The following TUBGCP2 variants were observed in gnomAD, a reference collection of about 807,000 sequenced individuals.
TUBGCP2 encodes tubulin gamma complex component 2, also known as gamma-tubulin complex component 2.
Under a neutral mutation model 92.2 loss-of-function variants are expected in TUBGCP2, and 55 were observed. That is an observed-to-expected ratio of 0.60 (90% CI 0.48 to 0.75). The LOEUF (loss-of-function observed/expected upper bound fraction) is 0.75. Among genes scored for constraint, TUBGCP2 ranks in the 30% least tolerant of loss-of-function variants. The pLI, the probability that TUBGCP2 is intolerant of heterozygous loss-of-function variation, is 0.00. For synonymous variants in TUBGCP2, 533 were observed against 505.2 expected, an observed-to-expected ratio of 1.06 and a Z score of -0.74; for missense variants, 1,093 against 1,188.9, an observed-to-expected ratio of 0.92 and a Z score of 1.19.
chr10:133,309,930 G>T, upstream of TUBGCP2: 1 of 1,613,552 alleles, frequency 6.2e-7, no homozygotes, highest in Non-Finnish European at 8.5e-7. Context: ...CCACATCCTG[G>T]AGTGGCACGA....
At chr10:133,280,085 C>A (rs1343421416) in intron 17 of TUBGCP2, among the ~76,000 whole-genome samples, 184 bp from the exon 18 acceptor site, 1 of 152,304 alleles carries the variant, frequency 6.6e-6, no homozygotes, top group Non-Finnish European at 1.5e-5. Flanking sequence ...CCGTCCTGAG[C>A]AGCCCTGCTC....
chr10:133,290,944 C>T lies in TUBGCP2; in HGVS notation c.1215-975G>A, dbSNP rs183965942. The stretch of plus-strand genomic sequence containing the variant: ...AAATATTTCAACAACGGTATCTTGA[C>T]GTAATAGACATAATACAATTCTTTG... On this transcript the variant is annotated intron_variant, in intron 8 of 17. Coordinates refer to ENST00000252936, the MANE Select transcript of TUBGCP2 (RefSeq NM_006659.4). 84 of 155,854 alleles carry T rather than the reference C, an allele frequency of 5.4e-4. 1 individual carries two copies. The highest frequency in any genetic ancestry group is 3.4e-3 in the Middle Eastern group (1 of 298). The allele number at this position is 155,854 out of a possible 1,614,324, so 9.7% of individuals were successfully genotyped here.
intron 8 of TUBGCP2, chr10:133,290,491 CA>C (rs1251034669): frequency 4.0e-4 from 41 of 102,186 alleles, no homozygotes; most frequent in Admixed American, 4.8e-4. Context: ...GACTCTGCCT[CA>C]AAAAAAAAAA....
intron 11 of TUBGCP2, among the ~76,000 whole-genome samples, chr10:133,287,676 G>A (rs1242912632): frequency 6.6e-6 from 1 of 151,882 alleles, no homozygotes; most frequent in Admixed American, 6.6e-5. Context: ...AGGAGGTGGA[G>A]GCTGCAGTGA....
chr10:133,279,517 C>A lies in TUBGCP2; in HGVS notation c.*249G>T. On this transcript the variant is annotated 3_prime_UTR_variant, in exon 18 of 18. Coordinates refer to ENST00000252936, the MANE Select transcript of TUBGCP2 (RefSeq NM_006659.4). ...ATTTCCACTTTGAGGCCAAAAACACCCAAAAAGGTGATAGTGTAATTTCAA... is the reference window on the plus strand; with the variant it reads ...ATTTCCACTTTGAGGCCAAAAACACACAAAAAGGTGATAGTGTAATTTCAA... The A allele has an allele frequency of 1.8e-6, 1 of 548,702 alleles. No individual in the cohort carries two copies. Among genetic ancestry groups the A allele is most frequent in the Non-Finnish European group, 3.0e-6 (1 of 329,162 alleles). The allele number at this position is 548,702 out of a possible 1,614,324, so 34.0% of individuals were successfully genotyped here.
At chr10:133,307,840 A>C (rs914241407) in intron 1 of TUBGCP2, among the ~76,000 whole-genome samples, 1 of 152,210 alleles carries the variant, frequency 6.6e-6, no homozygotes, top group Admixed American at 6.5e-5. Context: ...CCTACAATGC[A>C]CCTAAACCAC....
Position 133,289,947 on chromosome 10 carries a change from C to G in TUBGCP2, c.1237G>C (p.Glu413Gln). ...TCCTGGATCCTCTCCTTCCGCAGCT[C>G]GTGCTCCTCGACCATAAACTCACTA... The part of the protein sequence containing the change: ...PYSEFMVEEH[E>Q]LRKERIQEDY... Residue 413 changes from glutamate to glutamine, a missense_variant, in exon 9 of 18, where the codon GAG (glutamate) becomes CAG (glutamine). Glu to Gln is a conservative substitution (Grantham distance 29, BLOSUM62 2). Transcript: ENST00000252936. The G allele has an allele frequency of 6.2e-7, 1 of 1,614,166 alleles. No individual in the cohort carries two copies. Among genetic ancestry groups the G allele is most frequent in the Middle Eastern group, 1.7e-4 (1 of 6,046 alleles).
At position 133,292,680 on chromosome 10, in the gene TUBGCP2, C is replaced by G; in HGVS notation, c.1033G>C (p.Val345Leu). Residue 345 changes from valine (V) to leucine (L), a missense_variant, in exon 8 of 18, where the codon GTG becomes CTG. Transcript: ENST00000252936. ...CCCCCAAGACATTCGCCTTTGTCCACCGAGGTGGCTGTGGGGAGAAAGGAG... is the reference window on the plus strand; with the variant it reads ...CCCCCAAGACATTCGCCTTTGTCCAGCGAGGTGGCTGTGGGGAGAAAGGAG... ...MDILASLATS[V>L]DKGECLGGST... 1 of 1,613,038 alleles carries G rather than the reference C, an allele frequency of 6.2e-7. No individual in the cohort carries two copies. Among genetic ancestry groups the G allele is most frequent in the Non-Finnish European group, 8.5e-7 (1 of 1,179,484 alleles).
At chr10:133,309,961 C>G, upstream of TUBGCP2, 1 of 1,613,172 alleles carries the variant, frequency 6.2e-7, no homozygotes, top group Non-Finnish European at 8.5e-7. Context: ...CAGATCCTGT[C>G]TGAGAGGCAG....
chr10:133,311,752 G>A, upstream of TUBGCP2: 2 of 1,613,738 alleles, frequency 1.2e-6, no homozygotes, highest in Middle Eastern at 1.7e-4. Flanking sequence ...ACAGTGGAGA[G>A]CGGTCAGAAG....
Position 133,281,262 on chromosome 10 carries a change from C to T in TUBGCP2, c.2573+11G>A, listed in dbSNP as rs1226554962. On this transcript the variant is annotated intron_variant, in intron 17 of 17. Coordinates refer to ENST00000252936, the MANE Select transcript of TUBGCP2 (RefSeq NM_006659.4). ...CTGAGGAAGGGCTGAGCCGGGGTGG[C>T]GCCCACCCACCTGGAGATGACGCTG... The T allele has an allele frequency of 8.7e-6, 14 of 1,607,840 alleles. No homozygotes were observed. Among genetic ancestry groups the T allele is most frequent in the African/African-American group, 2.7e-5 (2 of 74,956 alleles).
chr10:133,293,519 C>A, intron 6 of TUBGCP2, 43 bp downstream of exon 6: 1 of 1,541,742 alleles, frequency 6.5e-7, no homozygotes, highest in Non-Finnish European at 8.8e-7. Context: ...TAACCCCTCC[C>A]CCACAACAGC....
At chr10:133,297,735 G>A (rs1243027884) in intron 5 of TUBGCP2, among the ~76,000 whole-genome samples, 1 of 152,238 alleles carries the variant, frequency 6.6e-6, no homozygotes, top group African/African-American at 2.4e-5. Context: ...CGGGTGAGCC[G>A]TTCTCTGCTG....
At chr10:133,308,309 C>T (rs1481761245) in intron 1 of TUBGCP2, among the ~76,000 whole-genome samples, 1 of 152,204 alleles carries the variant, frequency 6.6e-6, no homozygotes, top group Admixed American at 6.5e-5. Flanking sequence ...CTGTGTTTCA[C>T]GGGAGCTGCG....
At chr10:133,309,237 T>C (rs1484102174), upstream of TUBGCP2, 7 of 672,384 alleles carry the variant, frequency 1.0e-5, no homozygotes, top group Non-Finnish European at 1.3e-5. Flanking sequence ...CCTGAGGTGG[T>C]GGGGCGGGGC....
intron 8 of TUBGCP2, among the ~76,000 whole-genome samples, chr10:133,291,428 G>C (rs112337957): frequency 0.17 from 6 of 36 alleles, 2 homozygotes; most frequent in African/African-American, 0.4. Flanking sequence ...AGCATGCACC[G>C]TCCGTGTCCC....
In TUBGCP2 at chr10:133,279,692, G is replaced by T. The variant is rs541115080; in HGVS notation, c.*74C>A. On this transcript the variant is annotated 3_prime_UTR_variant, in exon 18 of 18. Coordinates refer to ENST00000252936, the MANE Select transcript of TUBGCP2 (RefSeq NM_006659.4). ...TGCAAAGACAGAACACAGAGCATTC[G>T]ATTTGAAAATTCTGGACCCATTTGC... is the stretch of plus-strand genomic sequence containing the variant. 81 of 1,468,300 alleles carry T rather than the reference G, an allele frequency of 5.5e-5. No homozygotes were observed. The East Asian group carries it at 7.6e-4, about 14-fold the overall frequency. 91.0% of individuals were successfully genotyped at this position (1,468,300 alleles called of 1,614,324 possible).
At position 133,292,546 on chromosome 10, in the gene TUBGCP2, C is replaced by T. The variant is rs892753709; in HGVS notation, c.1167G>A (p.Glu389=). The change falls in exon 8 of 18, where the codon GAG becomes GAA. Residue 389 remains glutamate, a synonymous_variant. Coordinates refer to ENST00000252936, the MANE Select transcript of TUBGCP2 (RefSeq NM_006659.4). ...LTKAASAPYF[E]VLEKWIYRGI... Reference sequence around the variant, plus strand: ...CCCTGTAGATCCACTTCTCCAGAACCTCGAAGTAGGGAGCACTGGCCGCCT... The same window carrying T: ...CCCTGTAGATCCACTTCTCCAGAACTTCGAAGTAGGGAGCACTGGCCGCCT... The T allele has an allele frequency of 6.2e-7, 1 of 1,614,126 alleles. No homozygotes were observed. The highest frequency in any genetic ancestry group is 8.5e-7 in the Non-Finnish European group (1 of 1,180,012).
chr10:133,288,082 C>T (rs373864835), intron 11 of TUBGCP2, 47 bp downstream of exon 11: 202 of 1,581,542 alleles, frequency 1.3e-4, no homozygotes, highest in Non-Finnish European at 1.7e-4. Context: ...CTCCCAGCCC[C>T]TCCGAGGCCT....
Sources: gnomAD v4.1 joint callset for allele counts (sites outside exome capture counted in the v4.1 genomes callset) on GRCh38, gnomAD v4.1.1 for gene constraint, MANE v1.5 for transcripts, NCBI Gene and HGNC (gene_info 2026-07-23, HGNC 2026-07-21) for gene names.